Variants in SATL1 observed in about 807,000 individuals in gnomAD.
SATL1 encodes the protein spermidine/spermine N1-acetyl transferase like 1.
Under a neutral mutation model 51.8 loss-of-function variants are expected in SATL1, and 47 were observed. That is an observed-to-expected ratio of 0.91 (90% CI 0.72 to 1.16). The LOEUF (loss-of-function observed/expected upper bound fraction) is 1.16, where lower values mean the gene tolerates loss of function less well. SATL1 is among the 50% of genes most tolerant of loss of function. The pLI, the probability that SATL1 is intolerant of heterozygous loss-of-function variation, is 0.00. For synonymous variants in SATL1, 176 were observed against 182.4 expected (o/e 0.97, Z 0.28); for missense variants, 520 against 526.4 (o/e 0.99, Z 0.12).
chrX:85,242,700 C>A (rs986131091), intron 1 of SATL1, among the ~76,000 whole-genome samples: 1 of 112,138 alleles, frequency 8.9e-6, no homozygotes, highest in African/African-American at 3.2e-5. Flanking sequence ...CCACTGTGTA[C>A]GGGCTTTGCA....
intron 2 of SATL1, among the ~76,000 whole-genome samples, chrX:85,117,820 T>C (rs1325563619): frequency 9.0e-6 from 1 of 111,543 alleles, no homozygotes; most frequent in East Asian, 2.8e-4. Context: ...CTCTAGAGTT[T>C]GTTGTAATTG....
intron 2 of SATL1, among the ~76,000 whole-genome samples, chrX:85,197,752 G>T (rs1434775266): frequency 9.4e-6 from 1 of 106,523 alleles, no homozygotes; most frequent in Admixed American, 1.0e-4. Context: ...GCGGTGTTTG[G>T]TTTTTTGTCC....
At chrX:85,223,981 A>C (rs1928225233) in intron 2 of SATL1, among the ~76,000 whole-genome samples, 1 of 112,016 alleles carries the variant, frequency 8.9e-6, no homozygotes. Flanking sequence ...CCTAGTTCCG[A>C]TAAGTGGCAA....
intron 2 of SATL1, among the ~76,000 whole-genome samples, chrX:85,135,912 G>A (rs56215131): frequency 0.03 from 3,345 of 109,827 alleles, 48 homozygotes; most frequent in Non-Finnish European, 0.049. Context: ...AAAGGAAAGA[G>A]CCAAAACCGG....
chrX:85,100,579 C>A (rs1377087377), intron 4 of SATL1, among the ~76,000 whole-genome samples: 1 of 111,774 alleles, frequency 8.9e-6, no homozygotes, highest in African/African-American at 3.3e-5. Flanking sequence ...AAAACAACAA[C>A]AACCCTGTGT....
chrX:85,144,320 G>A (rs945171449), intron 2 of SATL1, among the ~76,000 whole-genome samples: 6 of 111,696 alleles, frequency 5.4e-5, no homozygotes, highest in Admixed American at 4.8e-4. Context: ...TAGAATCAGT[G>A]TGTCATATTT....
chrX:85,157,854 A>T (rs1926631640), intron 2 of SATL1, among the ~76,000 whole-genome samples: 1 of 111,401 alleles, frequency 9.0e-6, no homozygotes, highest in African/African-American at 3.3e-5. Flanking sequence ...TTCCTTGTCT[A>T]GGAAAGCCAC....
chrX:85,202,788 C>T (rs1927712431), intron 2 of SATL1, among the ~76,000 whole-genome samples: 2 of 111,749 alleles, frequency 1.8e-5, no homozygotes, highest in African/African-American at 6.5e-5. Context: ...ATGGACTGGC[C>T]TCCTCTCCTT....
At chrX:85,210,457 C>T (rs1159887526) in intron 2 of SATL1, 1 of 106,933 alleles carries the variant, frequency 9.4e-6, no homozygotes, top group Admixed American at 1.0e-4. Flanking sequence ...CATTTGGAGA[C>T]CCTTACTGCT....
chrX:85,160,929 A>G lies in SATL1; in HGVS notation c.-312-51649T>C, dbSNP rs181200533. Among the ~76,000 whole-genome samples the G allele has an allele frequency of 9.1e-3, 1,018 of 111,591 alleles. 7 individuals are homozygous for G. The highest frequency in any genetic ancestry group is 0.047 in the Middle Eastern group (10 of 215). ...AAATCTTAAAGGCAGCTGGAGAGAA[A>G]GGTCAGGCCACGTACATCAGACTAA... is the stretch of plus-strand genomic sequence containing the variant. On this transcript the variant is annotated intron_variant, in intron 2 of 7. Transcript: ENST00000644105.
chrX:85,142,595 A>G (rs904669863), intron 2 of SATL1: 6 of 111,016 alleles, frequency 5.4e-5, no homozygotes, highest in African/African-American at 2.0e-4. Flanking sequence ...GATACATTCC[A>G]GCAGAAATAC....
intron 4 of SATL1, among the ~76,000 whole-genome samples, chrX:85,098,106 C>T (rs1364655335): frequency 9.0e-6 from 1 of 111,546 alleles, no homozygotes; most frequent in African/African-American, 3.3e-5. Flanking sequence ...TAGATCCAGT[C>T]ACAAATATGT....
At chrX:85,205,646 G>T (rs1353515819) in intron 2 of SATL1, among the ~76,000 whole-genome samples, 2 of 112,136 alleles carry the variant, frequency 1.8e-5, no homozygotes, top group African/African-American at 3.2e-5. Context: ...TTCAAAGAAA[G>T]AAATTCAACA....
At chrX:85,101,273 A>T (rs1039011966) in intron 4 of SATL1, among the ~76,000 whole-genome samples, 8 of 112,399 alleles carry the variant, frequency 7.1e-5, no homozygotes, top group Non-Finnish European at 1.5e-4. Flanking sequence ...AATGGGAGAA[A>T]GTATTTGGAA....
chrX:85,196,498 CA>C (rs751020159), intron 2 of SATL1, among the ~76,000 whole-genome samples: 29 of 111,229 alleles, frequency 2.6e-4, no homozygotes, highest in Non-Finnish European at 4.3e-4. Context: ...AGTGCCAGAA[CA>C]GCCAAAACAA....
At chrX:85,233,512 T>C (rs1928423448) in intron 1 of SATL1, among the ~76,000 whole-genome samples, 1 of 112,106 alleles carries the variant, frequency 8.9e-6, no homozygotes, top group Admixed American at 9.4e-5. Context: ...AATAGCTGTG[T>C]TGAGGAAACC....
rs780583806 is a variant in SATL1, at chrX:85,129,148, A to G, written c.-312-19868T>C. Among the ~76,000 whole-genome samples, 5 of 111,803 alleles carry G rather than the reference A, an allele frequency of 4.5e-5. 1 individual carries two copies. The South Asian group carries it at 1.9e-3, about 42-fold the overall frequency. Reference sequence around the variant, plus strand: ...AATGCAGGCTCTTTTTTGGTTCTACATGAACTTTAAAGTAGTTTTTTCCAA... The same window carrying G: ...AATGCAGGCTCTTTTTTGGTTCTACGTGAACTTTAAAGTAGTTTTTTCCAA... On this transcript the variant is annotated intron_variant, in intron 2 of 7. Coordinates refer to ENST00000644105, the MANE Select transcript of SATL1 (RefSeq NM_001367857.2).
chrX:85,173,463 T>G (rs1401115827), intron 2 of SATL1, among the ~76,000 whole-genome samples: 3 of 111,059 alleles, frequency 2.7e-5, no homozygotes, highest in Non-Finnish European at 5.7e-5. Flanking sequence ...TACAGGTCTT[T>G]TTTTCCCCAT....
In SATL1 at chrX:85,171,955, A is replaced by AAT. The variant is rs1396619142; in HGVS notation, c.-313+52249_-313+52250insAT. 2.7e-5 allele frequency among the ~76,000 whole-genome samples: 3 copies of AAT among 111,629 alleles called. No individual in the cohort carries two copies. In the East Asian group the frequency reaches 8.4e-4, roughly 31 times the overall value. ...AGTAGTGCCATGGCAGACTGACAGG[A>AAT]GATATAATTCAATACATAATTTGTT... On this transcript the variant is annotated intron_variant, in intron 2 of 7. Coordinates refer to ENST00000644105, the MANE Select transcript of SATL1 (RefSeq NM_001367857.2).
Sources: allele counts gnomAD v4.1 joint callset (sites outside exome capture counted in the v4.1 genomes callset), GRCh38; gene constraint gnomAD v4.1.1; transcripts MANE v1.5; gene names NCBI Gene and HGNC (gene_info 2026-07-23, HGNC 2026-07-21).